SLC25A48: variants seen among roughly 807,000 people sequenced by gnomAD.
The protein encoded by SLC25A48 is CTC-321K16.1.
SLC25A48 carries 29 observed loss-of-function variants against 32.2 expected under a neutral mutation model. The observed-to-expected ratio is 0.90, with a 90% CI of 0.67 to 1.23. The LOEUF is 1.23. Among genes scored for constraint, SLC25A48 ranks in the 50% most tolerant of loss-of-function variants. The pLI, the probability that SLC25A48 is intolerant of heterozygous loss-of-function variation, is 0.00. For missense variants in SLC25A48, 399 were observed against 422.7 expected (o/e 0.94, Z 0.49); for synonymous variants, 164 against 172.3 (o/e 0.95, Z 0.38).
intron 3 of SLC25A48, among the ~76,000 whole-genome samples, chr5:135,723,378 T>TCACACACACACA (rs1444066866): frequency 2.3e-3 from 123 of 54,500 alleles, no homozygotes; most frequent in South Asian, 3.6e-3. Flanking sequence ...TCTCTCTCTC[T>TCACACACACACA]CTCACACACA....
intron 3 of SLC25A48, among the ~76,000 whole-genome samples, chr5:135,737,562 G>A (rs888438846): frequency 3.8e-4 from 58 of 152,268 alleles, no homozygotes; most frequent in African/African-American, 1.3e-3. Context: ...ATGAATGATG[G>A]TTTAGATTAA....
At chr5:135,693,972 A>G (rs1260241243) in intron 3 of SLC25A48, among the ~76,000 whole-genome samples, 1 of 151,996 alleles carries the variant, frequency 6.6e-6, no homozygotes, top group Non-Finnish European at 1.5e-5. Context: ...AAAAAAAAGC[A>G]TTTCTTTACC....
At chr5:135,829,762 CTT>C (rs1208341100), upstream of SLC25A48, among the ~76,000 whole-genome samples, 1 of 151,972 alleles carries the variant, frequency 6.6e-6, no homozygotes, top group South Asian at 2.1e-4. Flanking sequence ...GGAGGCAGCA[CTT>C]TTTTTAATAG....
intron 3 of SLC25A48, among the ~76,000 whole-genome samples, chr5:135,792,423 T>C (rs762511109): frequency 6.6e-6 from 1 of 151,790 alleles, no homozygotes; most frequent in Non-Finnish European, 1.5e-5. Context: ...GCTACTAATG[T>C]CACAGTGCTT....
intron 3 of SLC25A48, among the ~76,000 whole-genome samples, chr5:135,755,633 G>A (rs560519894): frequency 3.3e-5 from 5 of 151,540 alleles, no homozygotes; most frequent in East Asian, 1.9e-4. Context: ...ATGAAATATC[G>A]CTGTGATATT....
At chr5:135,631,017 G>A (rs1752555017) in intron 2 of SLC25A48, among the ~76,000 whole-genome samples, 1 of 152,282 alleles carries the variant, frequency 6.6e-6, no homozygotes, top group African/African-American at 2.4e-5. Flanking sequence ...CCAGATAGAA[G>A]ACATGGAATA....
chr5:135,879,603 A>AGTGT (rs1401571630), intron 6 of SLC25A48, among the ~76,000 whole-genome samples: 341 of 130,070 alleles, frequency 2.6e-3, no homozygotes, highest in African/African-American at 0.012. Context: ...AGAGAGAGAG[A>AGTGT]GAGAGAGAGT....
At chr5:135,876,126 T>A (rs2126819046) in intron 6 of SLC25A48, 1 of 93,048 alleles carries the variant, frequency 1.1e-5, no homozygotes, top group East Asian at 2.9e-4. Context: ...CTTTTTTTTC[T>A]TCTTCTTTTT....
intron 6 of SLC25A48, among the ~76,000 whole-genome samples, chr5:135,878,643 C>T (rs912060705): frequency 6.6e-6 from 1 of 152,112 alleles, no homozygotes; most frequent in African/African-American, 2.4e-5. Flanking sequence ...GAGGCCTGCA[C>T]CAACTCTGAT....
At chr5:135,886,586 C>A in intron 7 of SLC25A48, among the ~76,000 whole-genome samples, 1 of 57,738 alleles carries the variant, frequency 1.7e-5, no homozygotes, top group Non-Finnish European at 3.4e-5. Context: ...TCTATTTAAC[C>A]AAATATATAT....
intron 3 of SLC25A48, among the ~76,000 whole-genome samples, chr5:135,665,595 T>C (rs1302320580): frequency 1.3e-5 from 2 of 152,158 alleles, no homozygotes; most frequent in African/African-American, 4.8e-5. Context: ...CTATCTTGCG[T>C]TGATTTTTGT....
chr5:135,762,129 C>T (rs79404208), intron 3 of SLC25A48, among the ~76,000 whole-genome samples: 2,372 of 152,324 alleles, frequency 0.016, 46 homozygotes, highest in African/African-American at 0.044. Context: ...CCACATGTGG[C>T]TACTGAGCAC....
At position 135,601,130 on chromosome 5, in the gene SLC25A48, G is replaced by A. The variant is rs569647172; in HGVS notation, c.-849+21533G>A. On this transcript the variant is annotated intron_variant, in intron 1 of 10. Transcript: ENST00000646290. ...TGAAGAGTGAAGGGCTGACCACTGT[G>A]GGGAGGAAGTGACTAGGGAAGTTCC... The A allele has an allele frequency of 2.0e-5, 3 of 152,300 alleles. No homozygotes were observed. The East Asian group carries it at 5.8e-4, about 29-fold the overall frequency. The allele number at this position is 152,300 out of a possible 1,614,324, so 9.4% of individuals were successfully genotyped here. A position where few individuals can be genotyped will look rare whatever the true frequency, so the allele number is the denominator to read the frequency against.
Position 135,811,700 on chromosome 5 carries a change from T to C in SLC25A48, c.-520-823T>C, listed in dbSNP as rs182417407. ...GTCAATTAAAAATGAGTAAGTAATT[T>C]AAAAAAAAATAAGTGCAGGAAAAAT... On this transcript the variant is annotated intron_variant, in intron 3 of 10. Coordinates refer to the SLC25A48 transcript ENST00000646290. 1.3e-5 allele frequency among the ~76,000 whole-genome samples: 2 copies of C among 151,162 alleles called. 1 individual carries two copies. The highest frequency in any genetic ancestry group is 4.9e-5 in the African/African-American group (2 of 40,958).
At chr5:135,881,439 G>A (rs1021959482) in intron 7 of SLC25A48, among the ~76,000 whole-genome samples, 2 of 152,246 alleles carry the variant, frequency 1.3e-5, no homozygotes, top group South Asian at 4.1e-4. Context: ...AGCCCCAGAA[G>A]CTGGCTTCAA....
intron 3 of SLC25A48, among the ~76,000 whole-genome samples, chr5:135,788,854 A>AGGGAGAG: frequency 1.4e-5 from 2 of 144,582 alleles, no homozygotes; most frequent in Non-Finnish European, 3.0e-5. Context: ...AATATCTAGG[A>AGGGAGAG]GGGAGAGATG....
intron 3 of SLC25A48, among the ~76,000 whole-genome samples, chr5:135,644,529 G>C (rs1752914177): frequency 6.6e-6 from 1 of 152,122 alleles, no homozygotes; most frequent in Non-Finnish European, 1.5e-5. Context: ...CTAAGTGTCT[G>C]CATCACTGCC....
At chr5:135,867,604 T>A (rs761929914) in intron 4 of SLC25A48, among the ~76,000 whole-genome samples, 39 of 152,288 alleles carry the variant, frequency 2.6e-4, no homozygotes, top group Non-Finnish European at 5.6e-4. Flanking sequence ...CTCTTCTGTT[T>A]ATTCATCAGC....
chr5:135,750,794 G>A (rs1755752720), intron 3 of SLC25A48, among the ~76,000 whole-genome samples: 1 of 152,128 alleles, frequency 6.6e-6, no homozygotes, highest in South Asian at 2.1e-4. Flanking sequence ...GTGTGGGGAG[G>A]GGGTTCTATT....
Sources: gnomAD v4.1 joint callset for allele counts (sites outside exome capture counted in the v4.1 genomes callset) on GRCh38, gnomAD v4.1.1 for gene constraint, MANE v1.5 for transcripts, NCBI Gene and HGNC (gene_info 2026-07-23, HGNC 2026-07-21) for gene names.